KDM6A: variants seen among roughly 807,000 people sequenced by gnomAD.
The protein encoded by KDM6A is lysine-specific demethylase 6A.
KDM6A carries 11 observed loss-of-function variants against 117.6 expected under a neutral mutation model. That is an observed-to-expected ratio of 0.09 (90% CI 0.06 to 0.15). The LOEUF is 0.15. Ranked by LOEUF, KDM6A falls within the 10% of genes least tolerant of loss-of-function variation. The probability of loss-of-function intolerance (pLI) is 1.00; values close to 1 mark genes in which losing one functional copy is unlikely to be tolerated. For synonymous variants in KDM6A, 384 were observed against 396.1 expected (o/e 0.97, Z 0.36); for missense variants, 799 against 1,077.3 (o/e 0.74, Z 3.62).
In KDM6A at chrX:45,070,065, C is replaced by T. The variant is rs2148049731; in HGVS notation, c.2566C>T (p.His856Tyr). Residue 856 changes from histidine (H) to tyrosine (Y), a missense_variant, in exon 18 of 30, where the codon CAC becomes TAC. Physicochemically the swap from His to Tyr is moderately conservative, Grantham distance 83 (BLOSUM62 2). Coordinates refer to ENST00000611820, the MANE Select transcript of KDM6A (RefSeq NM_001291415.2). Reference protein sequence around the residue: ...TGTCDKVNNIHPAVHTKTDNS... With the variant: ...TGTCDKVNNIYPAVHTKTDNS... ...AACCTGTGACAAAGTCAATAACATC[C>T]ACCCAGCTGTTCATACAAAGACTGA... is the stretch of plus-strand genomic sequence containing the variant. 1 of 1,211,505 alleles carries T rather than the reference C, an allele frequency of 8.3e-7. No individual in the cohort carries two copies. The highest frequency in any genetic ancestry group is 1.8e-5 in the South Asian group (1 of 56,964).
chrX:45,049,178 C>T (rs1349541311), intron 8 of KDM6A, among the ~76,000 whole-genome samples: 1 of 112,142 alleles, frequency 8.9e-6, no homozygotes, highest in Non-Finnish European at 1.9e-5. Context: ...CTTGGAATTA[C>T]TCAAATTTAT....
intron 2 of KDM6A, among the ~76,000 whole-genome samples, chrX:44,961,054 A>G (rs180877597): frequency 8.9e-6 from 1 of 111,945 alleles, no homozygotes; most frequent in East Asian, 2.8e-4. Context: ...TATTGTTTCC[A>G]TGTATAGATG....
chrX:44,911,716 C>T (rs1052460956), intron 2 of KDM6A, among the ~76,000 whole-genome samples: 21 of 111,713 alleles, frequency 1.9e-4, no homozygotes, highest in African/African-American at 6.5e-4. Flanking sequence ...GATCACGCCA[C>T]TGCACTCCAG....
chrX:45,048,322 G>C (rs1179829858), intron 8 of KDM6A, among the ~76,000 whole-genome samples: 1 of 110,772 alleles, frequency 9.0e-6, no homozygotes, highest in African/African-American at 3.3e-5. Flanking sequence ...TGTGGAGATT[G>C]ACTATATTTT....
chrX:44,876,990 C>CGCATACGTATATACACTCGTATAT (rs1320642427), intron 2 of KDM6A, among the ~76,000 whole-genome samples: 3 of 110,135 alleles, frequency 2.7e-5, no homozygotes, highest in African/African-American at 9.7e-5. Context: ...TACACGTATA[C>CGCATACGTATATACACTCGTATAT]GCATACGTAT....
rs752908031 is a variant in KDM6A at position 44,880,357 on chromosome X, C to T, written c.225+6370C>T. ...AATTCTCTGACAGAGTTTGGAAGGACACTCAGGATGACTTAATGGTCATCT... is the reference window on the plus strand; with the variant it reads ...AATTCTCTGACAGAGTTTGGAAGGATACTCAGGATGACTTAATGGTCATCT... On this transcript the variant is annotated intron_variant, in intron 2 of 29. Coordinates refer to ENST00000611820, the MANE Select transcript of KDM6A (RefSeq NM_001291415.2). 8.2e-5 allele frequency among the ~76,000 whole-genome samples: 9 copies of T among 109,135 alleles called. No individual in the cohort carries two copies. The Admixed American group carries it at 8.9e-4, about 11-fold the overall frequency. The allele number at this position is 109,135 out of a possible 115,157, so 94.8% of individuals were successfully genotyped here.
At chrX:44,998,943 G>A (rs1053924822) in intron 4 of KDM6A, among the ~76,000 whole-genome samples, 17 of 111,693 alleles carry the variant, frequency 1.5e-4, no homozygotes, top group Non-Finnish European at 3.2e-4. Flanking sequence ...TATGTTCCAA[G>A]ACCCGCAGTG....
chrX:44,946,878 T>C (rs953917693), intron 2 of KDM6A, among the ~76,000 whole-genome samples: 4 of 111,889 alleles, frequency 3.6e-5, no homozygotes, highest in African/African-American at 1.3e-4. Context: ...TATGTATTCA[T>C]GCACCAGCTC....
At chrX:44,908,849 A>G (rs1414464612) in intron 2 of KDM6A, among the ~76,000 whole-genome samples, 1 of 111,941 alleles carries the variant, frequency 8.9e-6, no homozygotes, top group Non-Finnish European at 1.9e-5. Context: ...CTTTCTTTTC[A>G]GAGATGTTGG....
Position 45,034,874 on chromosome X carries a change from G to C in KDM6A, c.565-57G>C, listed in dbSNP as rs2042741912. 3 of 956,126 alleles carry C rather than the reference G, an allele frequency of 3.1e-6. No individual in the cohort carries two copies. In the Admixed American group the frequency reaches 6.6e-5, roughly 21 times the overall value. 78.8% of individuals were successfully genotyped at this position (956,126 alleles called of 1,213,427 possible). ...CTTACATACCTGAAAAGTATCTTAA[G>C]ATGCTTTTGTGTGACTCTAAATTGA... On this transcript the variant is annotated intron_variant, in intron 6 of 29. Transcript: ENST00000611820.
intron 2 of KDM6A, among the ~76,000 whole-genome samples, chrX:44,932,460 C>T (rs2036693098): frequency 9.0e-6 from 1 of 111,254 alleles, no homozygotes; most frequent in African/African-American, 3.3e-5. Flanking sequence ...GATATTTAGG[C>T]ATGTGGCAGG....
chrX:44,893,987 A>G (rs1048419048), intron 2 of KDM6A, among the ~76,000 whole-genome samples: 10 of 112,006 alleles, frequency 8.9e-5, no homozygotes, highest in African/African-American at 2.9e-4. Context: ...GTAAAACCCA[A>G]TTGGTCATGG....
chrX:44,917,661 G>A lies in KDM6A; in HGVS notation c.226-43623G>A, dbSNP rs764445213. 4.5e-5 allele frequency among the ~76,000 whole-genome samples: 5 copies of A among 111,728 alleles called. No homozygotes were observed. The South Asian group carries it at 1.8e-3, about 41-fold the overall frequency. ...TCCTGCGCTTCCTTATATGAGATAGGCAGAAGAAATAGTATAGTATTCTTA... is the reference window on the plus strand; with the variant it reads ...TCCTGCGCTTCCTTATATGAGATAGACAGAAGAAATAGTATAGTATTCTTA... On this transcript the variant is annotated intron_variant, in intron 2 of 29. Transcript: ENST00000611820.
chrX:45,060,600 G>A lies in KDM6A; in HGVS notation c.1330-9G>A, dbSNP rs2044251578. The A allele has an allele frequency of 1.9e-6, 2 of 1,047,761 alleles. No individual in the cohort carries two copies. Among genetic ancestry groups the A allele is most frequent in the Non-Finnish European group, 2.5e-6 (2 of 799,212 alleles). 86.3% of individuals were successfully genotyped at this position (1,047,761 alleles called of 1,213,427 possible). A position where few individuals can be genotyped will look rare whatever the true frequency, so the allele number is the denominator to read the frequency against. On this transcript the variant is annotated splice_polypyrimidine_tract_variant and intron_variant, in intron 13 of 29. Coordinates refer to ENST00000611820, the MANE Select transcript of KDM6A (RefSeq NM_001291415.2). ...AACCCTATTTTTGTCTTCCTTCTGT[G>A]ATTCTTAGGCATGTAAACCTCATCA...
At chrX:45,014,113 T>G (rs1460216378) in intron 5 of KDM6A, among the ~76,000 whole-genome samples, 2 of 111,680 alleles carry the variant, frequency 1.8e-5, no homozygotes, top group African/African-American at 3.3e-5. Context: ...TTAAGTAAAA[T>G]TTGGTATTTG....
chrX:44,943,547 A>G (rs993729645), intron 2 of KDM6A, among the ~76,000 whole-genome samples: 2 of 112,220 alleles, frequency 1.8e-5, no homozygotes, highest in African/African-American at 6.5e-5. Context: ...ACATGCATAT[A>G]CTATGTGATC....
chrX:45,071,936 G>A (rs1470653199), intron 18 of KDM6A, among the ~76,000 whole-genome samples: 1 of 110,677 alleles, frequency 9.0e-6, no homozygotes, highest in East Asian at 2.8e-4. Context: ...CACCACACCT[G>A]GCTAATTTTG....
intron 29 of KDM6A, 134 bp downstream of exon 29, chrX:45,110,383 A>G (rs1350556975): frequency 1.1e-5 from 6 of 529,103 alleles, no homozygotes; most frequent in Non-Finnish European, 1.6e-5. Flanking sequence ...GCATGAGGGT[A>G]TATTCATATC....
At chrX:44,883,498 G>A (rs778773515) in intron 2 of KDM6A, among the ~76,000 whole-genome samples, 1 of 110,549 alleles carries the variant, frequency 9.0e-6, no homozygotes, top group African/African-American at 3.3e-5. Context: ...TCAGCCTCCC[G>A]AATAGCTAGG....
Sources: allele counts gnomAD v4.1 joint callset (sites outside exome capture counted in the v4.1 genomes callset), GRCh38; gene constraint gnomAD v4.1.1; transcripts MANE v1.5; gene names NCBI Gene and HGNC (gene_info 2026-07-23, HGNC 2026-07-21).